The following FAT1 variants were observed in gnomAD, a reference collection of about 807,000 sequenced individuals.
FAT1 encodes protocadherin Fat 1.
Under a neutral mutation model 329.8 loss-of-function variants are expected in FAT1, and 171 were observed. The ratio of observed to expected loss-of-function variants is 0.52; its 90% CI spans 0.46 to 0.59. The LOEUF is 0.59. Ranked by LOEUF, FAT1 falls within the 20% of genes least tolerant of loss-of-function variation. FAT1 has a pLI of 0.00. For synonymous variants in FAT1, 2,233 were observed against 2,228.6 expected, an observed-to-expected ratio of 1.00 and a Z score of -0.06; for missense variants, 5,672 against 5,774.4, an observed-to-expected ratio of 0.98 and a Z score of 0.57.
rs747989960 is a variant in FAT1, at chr4:186,663,531, G to C, written c.3348C>G (p.Val1116=). 1 of 1,612,892 alleles carries C rather than the reference G, an allele frequency of 6.2e-7. No homozygotes were observed. Among genetic ancestry groups the C allele is most frequent in the East Asian group, 2.2e-5 (1 of 44,832 alleles). The change falls in exon 3 of 27, where the codon GTC becomes GTG. Residue 1116 remains valine (V), a synonymous_variant. Coordinates refer to ENST00000441802, the MANE Select transcript of FAT1 (RefSeq NM_005245.4). Reference sequence around the variant, plus strand: ...TCTCTATGAACGATGAAAGAGGCACGACACCCTGATCGGTTGCAAAGACTG... The same window carrying C: ...TCTCTATGAACGATGAAAGAGGCACCACACCCTGATCGGTTGCAAAGACTG... ...WLTVFATDQG[V]VPLSSFIEIY... is the part of the protein sequence containing the mutation.
rs375588095 is a variant in FAT1, at chr4:186,597,656, C to A, written c.12368+26G>T. On this transcript the variant is annotated intron_variant, in intron 24 of 26. Coordinates refer to ENST00000441802, the MANE Select transcript of FAT1 (RefSeq NM_005245.4). The stretch of plus-strand genomic sequence containing the variant: ...ATATGACGCTATGAAAAGGTATGAA[C>A]CTAAATTTTGAAAGAAACCATTTAC... 5.1e-6 allele frequency: 8 copies of A among 1,567,362 alleles called. No homozygotes were observed. In the South Asian group the frequency reaches 6.7e-5, roughly 13 times the overall value.
At position 186,596,284 on chromosome 4, in the gene FAT1, C is replaced by G. The variant is rs1738507889; in HGVS notation, c.13000+256G>C. ...AAAAATTATAGATGAGAACCTTTAT[C>G]AATTATAAAATGAAATGATCTCTCC... On this transcript the variant is annotated intron_variant, in intron 25 of 26. Coordinates refer to ENST00000441802, the MANE Select transcript of FAT1 (RefSeq NM_005245.4). The surrounding 1 kb of genome is among the most constrained non-coding windows in gnomAD (Gnocchi z 4.7). Among the ~76,000 whole-genome samples the G allele has an allele frequency of 6.6e-6, 1 of 152,126 alleles. No individual in the cohort carries two copies. The highest frequency in any genetic ancestry group is 1.5e-5 in the Non-Finnish European group (1 of 68,030).
At chr4:186,612,510 G>A (rs1433287490) in intron 13 of FAT1, among the ~76,000 whole-genome samples, 1 of 152,078 alleles carries the variant, frequency 6.6e-6, no homozygotes, top group Non-Finnish European at 1.5e-5. Context: ...GCTCATTGGA[G>A]CATTTCGGAT....
At chr4:186,721,387 T>C (rs12511117) in intron 1 of FAT1, among the ~76,000 whole-genome samples, 2,350 of 152,342 alleles carry the variant, frequency 0.015, 28 homozygotes, top group Middle Eastern at 0.034. Context: ...TCAAAAACTC[T>C]TCTCCAGTGT....
chr4:186,602,759 G>T, intron 20 of FAT1, 144 bp downstream of exon 20: 1 of 942,844 alleles, frequency 1.1e-6, no homozygotes, highest in East Asian at 2.7e-5. Flanking sequence ...ACTTACTACT[G>T]TCATTCTTTA....
intron 7 of FAT1, 100 bp from the exon 8 acceptor site, chr4:186,628,863 T>C (rs1471921194): frequency 1.6e-5 from 19 of 1,181,564 alleles, no homozygotes; most frequent in Non-Finnish European, 2.0e-5. Context: ...GAAACGATAC[T>C]GTGGCAAAAT....
intron 7 of FAT1, 24 bp downstream of exon 7, chr4:186,633,660 G>A (rs2126555697): frequency 6.2e-7 from 1 of 1,613,440 alleles, no homozygotes; most frequent in Non-Finnish European, 8.5e-7. Context: ...CCTCTGACAA[G>A]TGTGTCATTA....
In FAT1 at chr4:186,668,002, A is replaced by G. The variant is rs7694812; in HGVS notation, c.3266-4389T>C. ...GCTATAACCATGAGGAAAGGCCACA[A>G]GGAGTTTCCCAGTGTGGAAGGAAGG... On this transcript the variant is annotated intron_variant, in intron 2 of 26. Transcript: ENST00000441802. Among the ~76,000 whole-genome samples the G allele has an allele frequency of 4.9e-3, 741 of 152,308 alleles. 8 individuals carry two copies. Among genetic ancestry groups the G allele is most frequent in the African/African-American group, 0.015 (642 of 41,574 alleles).
chr4:186,606,505 T>C lies in FAT1; in HGVS notation c.10207-292A>G, dbSNP rs41278601. Among the ~76,000 whole-genome samples, 900 of 152,252 alleles carry C rather than the reference T, an allele frequency of 5.9e-3. 9 individuals carry two copies. Among genetic ancestry groups the C allele is most frequent in the South Asian group, 0.024 (115 of 4,816 alleles). ...AGTTCTATTAACAGAAACTAAGACA[T>C]AAAAGTAATACAAATGATTAGGACA... is the stretch of plus-strand genomic sequence containing the variant. On this transcript the variant is annotated intron_variant, in intron 16 of 26. Transcript: ENST00000441802.
At chr4:186,614,475 C>G (rs2126479450) in intron 11 of FAT1, 131 bp from the exon 12 acceptor site, 1 of 645,450 alleles carries the variant, frequency 1.5e-6, no homozygotes, top group East Asian at 3.4e-5. Context: ...GATAAAATCC[C>G]AAGAGCTTTG....
intron 2 of FAT1, among the ~76,000 whole-genome samples, chr4:186,699,322 TC>T (rs1210614486): frequency 6.6e-6 from 1 of 152,066 alleles, no homozygotes; most frequent in Non-Finnish European, 1.5e-5. Context: ...ATTAGTAGAC[TC>T]TCCCCAACAT....
chr4:186,655,631 C>T (rs1191584059), intron 3 of FAT1, among the ~76,000 whole-genome samples: 1 of 151,896 alleles, frequency 6.6e-6, no homozygotes, highest in Non-Finnish European at 1.5e-5. Flanking sequence ...TGGGGTTTTG[C>T]CATGTTGGCC....
chr4:186,591,953 T>C (rs1738260087), intron 26 of FAT1, among the ~76,000 whole-genome samples: 1 of 152,194 alleles, frequency 6.6e-6, no homozygotes, highest in Non-Finnish European at 1.5e-5. Flanking sequence ...CCATCAGAGC[T>C]ACCTGGGAAC....
At chr4:186,634,979 A>G (rs1579361435) in intron 6 of FAT1, among the ~76,000 whole-genome samples, 1 of 152,396 alleles carries the variant, frequency 6.6e-6, no homozygotes, top group East Asian at 1.9e-4. Flanking sequence ...AACGGTTTTG[A>G]GCATCGTTAA....
intron 2 of FAT1, among the ~76,000 whole-genome samples, chr4:186,688,553 A>G (rs750964970): frequency 1.2e-3 from 181 of 152,130 alleles, no homozygotes; most frequent in Admixed American, 7.2e-4. Context: ...CCCTACATTC[A>G]ACAGCTCGGA....
At position 186,651,690 on chromosome 4, in the gene FAT1, C is replaced by T. The variant is rs73873676; in HGVS notation, c.3580+11609G>A. Among the ~76,000 whole-genome samples, 951 of 152,256 alleles carry T rather than the reference C, an allele frequency of 6.2e-3. 10 individuals carry two copies. The highest frequency in any genetic ancestry group is 0.022 in the African/African-American group (902 of 41,534). On this transcript the variant is annotated intron_variant, in intron 3 of 26. Coordinates refer to ENST00000441802, the MANE Select transcript of FAT1 (RefSeq NM_005245.4). ...ACCGGCAGGGAGGCGTCACGTCCTCCGCTTCTGCAAAACACAGATTGCCTT... is the reference window on the plus strand; with the variant it reads ...ACCGGCAGGGAGGCGTCACGTCCTCTGCTTCTGCAAAACACAGATTGCCTT...
At chr4:186,652,547 A>G (rs1435023204) in intron 3 of FAT1, among the ~76,000 whole-genome samples, 5 of 152,224 alleles carry the variant, frequency 3.3e-5, no homozygotes, top group Admixed American at 2.0e-4. Context: ...TAAAATAATA[A>G]TGAGCATGAG....
chr4:186,597,026 A>G lies in FAT1; in HGVS notation c.12514T>C (p.Ser4172Pro), dbSNP rs764617344. ...GCCAACCCAATGTTCCACGGCGTGG[A>G]CACATACTGGTTGGGCGCAGCATCC... ...CEDAAPNQYV[S>P]TPWNIGLAEG... The change falls in exon 25 of 27, where the codon TCC becomes CCC. Residue 4172 changes from serine to proline, a missense_variant. Coordinates refer to ENST00000441802, the MANE Select transcript of FAT1 (RefSeq NM_005245.4). 3.7e-6 allele frequency: 6 copies of G among 1,614,018 alleles called. No individual in the cohort carries two copies. The Admixed American group carries it at 1.0e-4, about 27-fold the overall frequency.
At chr4:186,692,679 C>T (rs1743840235) in intron 2 of FAT1, among the ~76,000 whole-genome samples, 1 of 152,010 alleles carries the variant, frequency 6.6e-6, no homozygotes, top group Non-Finnish European at 1.5e-5. Flanking sequence ...AATCAACACT[C>T]CTATATTCTC....
Sources: allele counts gnomAD v4.1 joint callset (sites outside exome capture counted in the v4.1 genomes callset), GRCh38; gene constraint gnomAD v4.1.1; non-coding constraint Gnocchi (gnomAD v3.1); transcripts MANE v1.5; gene names NCBI Gene and HGNC (gene_info 2026-07-23, HGNC 2026-07-21).